PRAMEF15: variants seen among roughly 807,000 people sequenced by gnomAD.
PRAMEF15 encodes PRAME family member 15.
A neutral mutation model predicts 35.3 loss-of-function variants in PRAMEF15; 21 were observed. That is an observed-to-expected ratio of 0.59 (90% CI 0.42 to 0.86). The LOEUF (loss-of-function observed/expected upper bound fraction) is 0.86, where lower values mean the gene tolerates loss of function less well. Ranked by LOEUF, PRAMEF15 falls within the 40% of genes least tolerant of loss-of-function variation. The pLI, the probability that PRAMEF15 is intolerant of heterozygous loss-of-function variation, is 0.00. For missense variants in PRAMEF15, 360 were observed against 574.1 expected (o/e 0.63, Z 3.81); for synonymous variants, 122 against 223.3 (o/e 0.55, Z 4.05).
In PRAMEF15 at chr1:13,322,106, A is replaced by G. The variant is rs1325820064; in HGVS notation, c.1279A>G (p.Thr427Ala). ...APRESYGADG[T>A]LCWSRFAQIR... ...CCGAGAGAGTTATGGTGCTGATGGT[A>G]CTCTCTGCTGGAGCAGATTTGCTCA... Residue 427 changes from threonine to alanine, a missense_variant, in exon 4 of 4, where the codon ACT becomes GCT. Thr to Ala is a moderately conservative substitution (Grantham distance 58). Coordinates refer to ENST00000376152, the MANE Select transcript of PRAMEF15 (RefSeq NM_001098376.3). 31 of 1,609,116 alleles carry G rather than the reference A, an allele frequency of 1.9e-5. 1 individual carries two copies. The highest frequency in any genetic ancestry group is 2.0e-5 in the Non-Finnish European group (24 of 1,178,944).
At chr1:13,318,942 G>A (rs1299068396) in intron 2 of PRAMEF15, among the ~76,000 whole-genome samples, 8 of 151,896 alleles carry the variant, frequency 5.3e-5, no homozygotes, top group East Asian at 3.9e-4. Context: ...GGCCGGGCAC[G>A]GTGGCTCACA....
At chr1:13,319,242 G>A (rs1248827309) in intron 2 of PRAMEF15, 130 bp from the exon 3 acceptor site, 7 of 1,507,352 alleles carry the variant, frequency 4.6e-6, no homozygotes, top group East Asian at 2.3e-5. Context: ...GATCCAAGGG[G>A]AAAACAGAGT....
rs1235859698 is a variant in PRAMEF15 at position 13,321,029 on chromosome 1, C to G, written c.876-674C>G. Among the ~76,000 whole-genome samples the G allele has an allele frequency of 4.0e-4, 61 of 152,126 alleles. 1 individual carries two copies. The highest frequency in any genetic ancestry group is 1.2e-3 in the African/African-American group (50 of 41,488). Reference sequence around the variant, plus strand: ...CAGGGATGCCTACAGCCCGCCCACCCCAGCTGATGTTGCAGGATCCTGTCT... The same window carrying G: ...CAGGGATGCCTACAGCCCGCCCACCGCAGCTGATGTTGCAGGATCCTGTCT... On this transcript the variant is annotated intron_variant, in intron 3 of 3. Transcript: ENST00000376152.
chr1:13,321,269 T>A (rs1460883570), intron 3 of PRAMEF15, among the ~76,000 whole-genome samples: 3 of 147,200 alleles, frequency 2.0e-5, no homozygotes, highest in Non-Finnish European at 4.5e-5. Flanking sequence ...GGCTGGAGTG[T>A]AGTGGCATGA....
intron 3 of PRAMEF15, among the ~76,000 whole-genome samples, chr1:13,320,301 G>C (rs1397914030): frequency 6.6e-6 from 1 of 152,090 alleles, no homozygotes; most frequent in Non-Finnish European, 1.5e-5. Context: ...GCTCATGCCT[G>C]TAATCCTATC....
At chr1:13,319,204 A>AAC (rs1553123393) in intron 2 of PRAMEF15, among the ~76,000 whole-genome samples, 168 bp from the exon 3 acceptor site, 1 of 149,382 alleles carries the variant, frequency 6.7e-6, no homozygotes, top group African/African-American at 2.5e-5. Context: ...AAAAAAAAAA[A>AAC]AAAACAAAAC....
intron 1 of PRAMEF15, among the ~76,000 whole-genome samples, chr1:13,317,484 T>C (rs76055677): frequency 1.3e-5 from 2 of 151,900 alleles, no homozygotes; most frequent in African/African-American, 4.8e-5. Context: ...TTTTCAATAA[T>C]GAGGCTGGGG....
chr1:13,320,069 G>C lies in PRAMEF15; in HGVS notation c.875+116G>C, dbSNP rs1640062561. ...GGATGAAACAGTGAAGAGGACACTA[G>C]AATGTCCATGCATTGTCCTGTTGGT... On this transcript the variant is annotated intron_variant, in intron 3 of 3. Coordinates refer to ENST00000376152, the MANE Select transcript of PRAMEF15 (RefSeq NM_001098376.3). 1.3e-5 allele frequency: 21 copies of C among 1,584,380 alleles called. No individual in the cohort carries two copies. The Admixed American group carries it at 3.0e-4, about 23-fold the overall frequency.
At position 13,322,069 on chromosome 1, in the gene PRAMEF15, G is replaced by A; in HGVS notation, c.1242G>A (p.Leu414=). The A allele has an allele frequency of 6.2e-7, 1 of 1,610,032 alleles. No individual in the cohort carries two copies. The highest frequency in any genetic ancestry group is 1.1e-5 in the South Asian group (1 of 90,780). The part of the protein sequence containing the change: ...TIILKNLCVE[L]YPAPRESYGA... Reference sequence around the variant, plus strand: ...TACTCAAAAACTTATGTGTGGAGCTGTATCCTGCCCCCCGAGAGAGTTATG... The same window carrying A: ...TACTCAAAAACTTATGTGTGGAGCTATATCCTGCCCCCCGAGAGAGTTATG... The change falls in exon 4 of 4, where the codon CTG becomes CTA. Residue 414 remains leucine (L), a synonymous_variant. Transcript: ENST00000376152.
rs1640051842 is a variant in PRAMEF15, at chr1:13,319,461, T to G, written c.383T>G (p.Leu128Arg). 6 of 1,613,476 alleles carry G rather than the reference T, an allele frequency of 3.7e-6. No homozygotes were observed. The highest frequency in any genetic ancestry group is 5.1e-6 in the Non-Finnish European group (6 of 1,179,838). The change falls in exon 3 of 4, where the codon CTC becomes CGC. Residue 128 changes from leucine to arginine, a missense_variant. This residue lies in a region of PRAMEF15 where 18 missense variants were observed against 42.9 expected (regional missense o/e 0.42). Transcript: ENST00000376152. ...WSEAMAHGCF[L>R]NAKRNKKPVQ... Reference sequence around the variant, plus strand: ...GAAGCTATGGCCCATGGGTGCTTCCTCAATGCCAAGAGGAACAAAAAACCA... The same window carrying G: ...GAAGCTATGGCCCATGGGTGCTTCCGCAATGCCAAGAGGAACAAAAAACCA...
At chr1:13,320,138 G>T (rs1428341234) in intron 3 of PRAMEF15, among the ~76,000 whole-genome samples, 185 bp downstream of exon 3, 1 of 152,110 alleles carries the variant, frequency 6.6e-6, no homozygotes, top group African/African-American at 2.4e-5. Flanking sequence ...CCCAATAGAG[G>T]CAGAGGGATC....
In PRAMEF15 at chr1:13,320,153, A is replaced by AGG. The variant is rs1382756371; in HGVS notation, c.875+203_875+204dup. The stretch of plus-strand genomic sequence containing the variant: ...CCCAATAGAGGCAGAGGGATCAGCT[A>AGG]GGGGAGATGCTATGGAGAGGCTGCC... On this transcript the variant is annotated intron_variant, in intron 3 of 3. Transcript: ENST00000376152. Among the ~76,000 whole-genome samples the AGG allele has an allele frequency of 2.2e-3, 333 of 152,208 alleles. 4 individuals carry two copies. The highest frequency in any genetic ancestry group is 0.02 in the Middle Eastern group (6 of 294).
chr1:13,319,697 G>C lies in PRAMEF15; in HGVS notation c.619G>C (p.Asp207His), dbSNP rs2100322094. ...IRSILKMVNL[D>H]CIQEVEVNCK... The stretch of plus-strand genomic sequence containing the variant: ...AAGCATCCTGAAAATGGTGAACCTA[G>C]ACTGTATCCAGGAGGTGGAAGTGAA... The change falls in exon 3 of 4, where the codon GAC (aspartate) becomes CAC (histidine). Residue 207 changes from aspartate to histidine, a missense_variant. Transcript: ENST00000376152. 1 of 1,590,838 alleles carries C rather than the reference G, an allele frequency of 6.3e-7. No individual in the cohort carries two copies. The highest frequency in any genetic ancestry group is 1.7e-5 in the Admixed American group (1 of 59,634).
Position 13,320,077 on chromosome 1 carries a change from A to C in PRAMEF15, c.875+124A>C. The C allele has an allele frequency of 2.5e-6, 4 of 1,577,142 alleles. No homozygotes were observed. In the East Asian group the frequency reaches 8.9e-5, roughly 35 times the overall value. On this transcript the variant is annotated intron_variant, in intron 3 of 3. Transcript: ENST00000376152. ...CAGTGAAGAGGACACTAGAATGTCC[A>C]TGCATTGTCCTGTTGGTGGCCCTGT...
In PRAMEF15 at chr1:13,322,565, G is replaced by T. The variant is rs1219580486; in HGVS notation, c.*301G>T. 2.6e-4 allele frequency: 110 copies of T among 426,144 alleles called. 2 individuals carry two copies. The highest frequency in any genetic ancestry group is 2.6e-3 in the Middle Eastern group (4 of 1,554). 26.4% of individuals were successfully genotyped at this position (426,144 alleles called of 1,614,324 possible). A position where few individuals can be genotyped will look rare whatever the true frequency, so the allele number is the denominator to read the frequency against. On this transcript the variant is annotated 3_prime_UTR_variant, in exon 4 of 4. Coordinates refer to ENST00000376152, the MANE Select transcript of PRAMEF15 (RefSeq NM_001098376.3). Reference sequence around the variant, plus strand: ...TTACTCTTGCATGGATGGTTGTAAAGAAACAATCAGAAATAAAGGAAAACT... The same window carrying T: ...TTACTCTTGCATGGATGGTTGTAAATAAACAATCAGAAATAAAGGAAAACT...
chr1:13,320,037 C>A, intron 3 of PRAMEF15, 84 bp downstream of exon 3: 2 of 1,603,688 alleles, frequency 1.2e-6, no homozygotes, highest in Non-Finnish European at 1.7e-6. Context: ...TGTGAGCCAG[C>A]CTATGAGGAT....
chr1:13,321,478 G>A (rs1370276455), intron 3 of PRAMEF15, among the ~76,000 whole-genome samples: 1 of 151,830 alleles, frequency 6.6e-6, no homozygotes, highest in Admixed American at 6.6e-5. Flanking sequence ...GCCTCCCAAA[G>A]TGCTGGGATT....
chr1:13,316,347 C>A (rs1227185255), intron 1 of PRAMEF15, among the ~76,000 whole-genome samples: 5 of 151,494 alleles, frequency 3.3e-5, no homozygotes, highest in African/African-American at 7.3e-5. Flanking sequence ...ATCACTTGAG[C>A]ACAGAAGATT....
intron 3 of PRAMEF15, 110 bp from the exon 4 acceptor site, chr1:13,321,593 C>T (rs1249137844): frequency 0.043 from 58,572 of 1,367,150 alleles, 1,982 homozygotes; most frequent in South Asian, 0.07. Context: ...ATCAGAATGA[C>T]CCTGGACTTG....
Sources: gnomAD v4.1 joint callset for allele counts (sites outside exome capture counted in the v4.1 genomes callset) on GRCh38, gnomAD v4.1.1 for gene constraint, gnomAD v4.1.1 regional missense constraint, MANE v1.5 for transcripts, NCBI Gene and HGNC (gene_info 2026-07-23, HGNC 2026-07-21) for gene names.